The following CNTNAP3 variants were observed in gnomAD, a reference collection of about 807,000 sequenced individuals.
CNTNAP3 encodes contactin-associated protein-like 3.
A neutral mutation model predicts 92.1 loss-of-function variants in CNTNAP3; 36 were observed. That is an observed-to-expected ratio of 0.39 (90% CI 0.30 to 0.52). The LOEUF is 0.52. Among genes scored for constraint, CNTNAP3 ranks in the 20% least tolerant of loss-of-function variants. The pLI, the probability that CNTNAP3 is intolerant of heterozygous loss-of-function variation, is 0.76. For synonymous variants in CNTNAP3, 232 were observed against 422.3 expected (o/e 0.55, Z 5.53); for missense variants, 534 against 1,069.6 (o/e 0.50, Z 6.98).
Position 39,120,396 on chromosome 9 carries a change from C to T in CNTNAP3, c.2081-2137G>A, listed in dbSNP as rs190821812. 1.6e-4 allele frequency among the ~76,000 whole-genome samples: 25 copies of T among 152,164 alleles called. No individual in the cohort carries two copies. The East Asian group carries it at 4.6e-3, about 28-fold the overall frequency. ...AAATGGAAATAAAACCTTTTTAGGC[C>T]GGGTGCGGTGGCTCACGCCTGTAAT... On this transcript the variant is annotated intron_variant, in intron 13 of 23. Coordinates refer to ENST00000297668, the MANE Select transcript of CNTNAP3 (RefSeq NM_033655.5).
intron 11 of CNTNAP3, among the ~76,000 whole-genome samples, chr9:39,142,198 G>A (rs1175074198): frequency 1.3e-5 from 2 of 152,160 alleles, no homozygotes; most frequent in African/African-American, 4.8e-5. Context: ...ATGATGCTGA[G>A]TGTGGTGGTG....
intron 9 of CNTNAP3, among the ~76,000 whole-genome samples, chr9:39,151,996 TGA>T (rs549755449): frequency 3.4e-5 from 5 of 148,812 alleles, no homozygotes; most frequent in Admixed American, 6.7e-5. Context: ...ACTAGAGGAT[TGA>T]GTTTTCTTTA....
rs1462358279 is a variant in CNTNAP3 at position 39,069,129 on chromosome 9, A to T, written c.*4761T>A. 6.6e-6 allele frequency among the ~76,000 whole-genome samples: 1 copy of T among 152,238 alleles called. No individual in the cohort carries two copies. ...TTACTCACTGCAGATTAAGATGAAC[A>T]TTGTAGATTGGAGCATATTATGGGA... On this transcript the variant is annotated 3_prime_UTR_variant, in exon 24 of 24. Coordinates refer to ENST00000297668, the MANE Select transcript of CNTNAP3 (RefSeq NM_033655.5).
chr9:39,148,802 G>A (rs1211618100), intron 10 of CNTNAP3, among the ~76,000 whole-genome samples: 1 of 152,190 alleles, frequency 6.6e-6, no homozygotes, highest in Non-Finnish European at 1.5e-5. Context: ...TGGGATTACA[G>A]GCGTGAGCCA....
At position 39,104,477 on chromosome 9, in the gene CNTNAP3, T is replaced by C. The variant is rs2990117; in HGVS notation, c.2366-563A>G. Among the ~76,000 whole-genome samples the C allele has an allele frequency of 6.1e-3, 754 of 123,140 alleles. 1 individual carries two copies. The highest frequency in any genetic ancestry group is 0.02 in the Middle Eastern group (5 of 248). 80.8% of individuals were successfully genotyped at this position (123,140 alleles called of 152,430 possible). A position where few individuals can be genotyped will look rare whatever the true frequency, so the allele number is the denominator to read the frequency against. On this transcript the variant is annotated intron_variant, in intron 15 of 23. Transcript: ENST00000297668. ...TTGCTTTCCTTCCTGCACATACACA[T>C]ACACACACACACACACACACACACA...
intron 14 of CNTNAP3, among the ~76,000 whole-genome samples, chr9:39,113,206 C>T (rs928924702): frequency 1.3e-5 from 2 of 151,918 alleles, no homozygotes; most frequent in African/African-American, 2.4e-5. Context: ...TCCCAAGAGT[C>T]GAAATCACCC....
intron 9 of CNTNAP3, among the ~76,000 whole-genome samples, chr9:39,161,636 C>T (rs1452513134): frequency 2.5e-5 from 3 of 117,962 alleles, no homozygotes; most frequent in South Asian, 2.9e-4. Flanking sequence ...GGCAACATAG[C>T]GAGACCTCGT....
At chr9:39,260,559 C>CAA (rs536562849) in intron 2 of CNTNAP3, among the ~76,000 whole-genome samples, 1 of 15,908 alleles carries the variant, frequency 6.3e-5, no homozygotes, top group African/African-American at 1.6e-4. Context: ...ACTAAAAATA[C>CAA]AAAAAAAAAA....
chr9:39,085,765 A>G lies in CNTNAP3; in HGVS notation c.3413T>C (p.Val1138Ala). 1 of 1,562,202 alleles carries G rather than the reference A, an allele frequency of 6.4e-7. No homozygotes were observed. The highest frequency in any genetic ancestry group is 8.7e-7 in the Non-Finnish European group (1 of 1,145,874). ...ILSSGTEFNAVKSLILGKVLE... is the reference protein window; with the variant it reads ...ILSSGTEFNAAKSLILGKVLE... Reference sequence around the variant, plus strand: ...AACCTTTCCCAATATGAGAGATTTGACGGCGTTGAATTCTGTCCCTGAGGA... The same window carrying G: ...AACCTTTCCCAATATGAGAGATTTGGCGGCGTTGAATTCTGTCCCTGAGGA... The change falls in exon 21 of 24, where the codon GTC becomes GCC. Residue 1138 changes from valine (V) to alanine (A), a missense_variant. By Grantham distance (64) the Val-to-Ala change is moderately conservative (BLOSUM62 0). Transcript: ENST00000297668.
intron 13 of CNTNAP3, among the ~76,000 whole-genome samples, chr9:39,131,528 G>C (rs990494052): frequency 5.9e-5 from 9 of 151,304 alleles, no homozygotes; most frequent in Non-Finnish European, 1.2e-4. Context: ...CAGTGGGTAA[G>C]ATTTAAGAGT....
intron 13 of CNTNAP3, among the ~76,000 whole-genome samples, chr9:39,119,744 T>G (rs778767938): frequency 2.0e-5 from 3 of 152,096 alleles, no homozygotes; most frequent in Non-Finnish European, 2.9e-5. Context: ...CTGGAAATAA[T>G]ACAGAAGACA....
chr9:39,102,646 G>C lies in CNTNAP3; in HGVS notation c.2606C>G (p.Thr869Ser), dbSNP rs1249761619. The stretch of plus-strand genomic sequence containing the variant: ...GTGCCACTGATTGTCATTAAAGGGA[G>C]TGGGTGACTGCACCGTGACCTCACA... ...GPCEVTVQSP[T>S]PFNDNQWHHV... The change falls in exon 17 of 24, where the codon ACT (threonine) becomes AGT (serine). Residue 869 changes from threonine (T) to serine (S), a missense_variant. By Grantham distance (58) the Thr-to-Ser change is moderately conservative. Coordinates refer to ENST00000297668, the MANE Select transcript of CNTNAP3 (RefSeq NM_033655.5). The C allele has an allele frequency of 7.1e-7, 1 of 1,411,892 alleles. No individual in the cohort carries two copies. Among genetic ancestry groups the C allele is most frequent in the South Asian group, 1.3e-5 (1 of 79,236 alleles). The allele number at this position is 1,411,892 out of a possible 1,614,324, so 87.5% of individuals were successfully genotyped here.
chr9:39,144,501 G>A (rs1483209937), intron 10 of CNTNAP3, among the ~76,000 whole-genome samples, 155 bp from the exon 11 acceptor site: 2 of 151,846 alleles, frequency 1.3e-5, no homozygotes, highest in Non-Finnish European at 2.9e-5. Flanking sequence ...TGCCATCAAG[G>A]TTCTCTAATT....
In CNTNAP3 at chr9:39,066,101, A is replaced by G. The variant is rs1335167954; in HGVS notation, c.*7789T>C. On this transcript the variant is annotated 3_prime_UTR_variant, in exon 24 of 24. Transcript: ENST00000297668. ...TATTCTATTTCATCGCTGCATTGTA[A>G]TATTATTGTGTAATATTGTAATATT... 1.3e-5 allele frequency among the ~76,000 whole-genome samples: 2 copies of G among 151,630 alleles called. No homozygotes were observed. Among genetic ancestry groups the G allele is most frequent in the African/African-American group, 4.9e-5 (2 of 41,206 alleles).
chr9:39,100,948 G>C, intron 17 of CNTNAP3, among the ~76,000 whole-genome samples: 1 of 150,416 alleles, frequency 6.6e-6, no homozygotes, highest in African/African-American at 2.4e-5. Context: ...GCCTAAGGTG[G>C]GGGCCCCAAA....
intron 13 of CNTNAP3, among the ~76,000 whole-genome samples, chr9:39,122,020 G>A (rs1466940979): frequency 2.6e-5 from 4 of 152,120 alleles, no homozygotes. Flanking sequence ...CACAGTCCAG[G>A]AAGACAGGTT....
intron 13 of CNTNAP3, among the ~76,000 whole-genome samples, chr9:39,131,204 T>G (rs1821285038): frequency 1.3e-5 from 2 of 151,772 alleles, no homozygotes; most frequent in Admixed American, 6.6e-5. Context: ...ATGCCAACTT[T>G]AAAAAACTGG....
intron 18 of CNTNAP3, 133 bp from the exon 19 acceptor site, chr9:39,088,780 T>A: frequency 1.1e-6 from 1 of 948,952 alleles, no homozygotes; most frequent in Non-Finnish European, 1.6e-6. Context: ...CCTTTCCTGT[T>A]TTTTTATTTT....
rs1563882218 is a variant in CNTNAP3, at chr9:39,114,011, CACACATATATAT to C, written c.2237+4080_2237+4091del. 1.1e-3 allele frequency among the ~76,000 whole-genome samples: 170 copies of C among 149,508 alleles called. 2 individuals carry two copies. Among genetic ancestry groups the C allele is most frequent in the African/African-American group, 4.0e-3 (159 of 40,226 alleles). The stretch of plus-strand genomic sequence containing the variant: ...ATATATACACACACACATATATATA[CACACATATATAT>C]ACACACATATATACACACACACACA... On this transcript the variant is annotated intron_variant, in intron 14 of 23. Transcript: ENST00000297668.
Sources: gnomAD v4.1 joint callset for allele counts (sites outside exome capture counted in the v4.1 genomes callset) on GRCh38, gnomAD v4.1.1 for gene constraint, MANE v1.5 for transcripts, NCBI Gene and HGNC (gene_info 2026-07-23, HGNC 2026-07-21) for gene names.